Variants in NDUFAF6 observed in about 807,000 individuals in gnomAD.
NDUFAF6 encodes NADH dehydrogenase (ubiquinone) complex I, assembly factor 6.
A neutral mutation model predicts 40.8 loss-of-function variants in NDUFAF6; 45 were observed. The observed-to-expected ratio is 1.10, with a 90% CI of 0.87 to 1.42. NDUFAF6 has a LOEUF of 1.42. Among genes scored for constraint, NDUFAF6 ranks in the 40% most tolerant of loss-of-function variants. The probability of loss-of-function intolerance (pLI) is 0.00; values close to 1 mark genes in which losing one functional copy is unlikely to be tolerated. For missense variants in NDUFAF6, 435 were observed against 418.5 expected (o/e 1.04, Z -0.34); for synonymous variants, 185 against 155.9 (o/e 1.19, Z -1.39).
chr8:94,905,234 T>C (rs1818316804), intron 1 of NDUFAF6, among the ~76,000 whole-genome samples: 1 of 151,436 alleles, frequency 6.6e-6, no homozygotes, highest in African/African-American at 2.4e-5. Context: ...TGTGGCAGGA[T>C]TTTTTGGATG....
chr8:94,944,209 A>C (rs1821797782), intron 1 of NDUFAF6, among the ~76,000 whole-genome samples: 1 of 152,176 alleles, frequency 6.6e-6, no homozygotes, highest in South Asian at 2.1e-4. Flanking sequence ...AGCCACTGGG[A>C]GGGGAGAACC....
upstream of NDUFAF6, among the ~76,000 whole-genome samples, chr8:94,953,604 C>A (rs146377730): frequency 0.011 from 1,691 of 152,338 alleles, 24 homozygotes; most frequent in African/African-American, 0.038. Flanking sequence ...CACACTGATA[C>A]TTCTGGGCAC....
At chr8:94,952,302 G>A (rs1260389171) in intron 2 of NDUFAF6, among the ~76,000 whole-genome samples, 1 of 152,236 alleles carries the variant, frequency 6.6e-6, no homozygotes, top group Admixed American at 6.5e-5. Context: ...GCTAAAGAAT[G>A]TTGTTTCCTA....
intron 1 of NDUFAF6, among the ~76,000 whole-genome samples, chr8:94,964,558 C>G (rs1174425793): frequency 6.6e-6 from 1 of 151,980 alleles, no homozygotes; most frequent in Non-Finnish European, 1.5e-5. Context: ...GGTGAGGGCT[C>G]AGGATGCTTT....
intron 1 of NDUFAF6, among the ~76,000 whole-genome samples, chr8:94,906,637 A>G (rs149471667): frequency 6.6e-6 from 1 of 152,360 alleles, no homozygotes; most frequent in Non-Finnish European, 1.5e-5. Flanking sequence ...GGGACCTCCC[A>G]TCTGCAGCAC....
In NDUFAF6 at chr8:95,047,061, C is replaced by T; in HGVS notation, c.648C>T (p.Cys216=). 1 of 1,614,166 alleles carries T rather than the reference C, an allele frequency of 6.2e-7. No homozygotes were observed. Among genetic ancestry groups the T allele is most frequent in the Non-Finnish European group, 8.5e-7 (1 of 1,180,016 alleles). The stretch of plus-strand genomic sequence containing the variant: ...GAAAAGCACAAGGCATTGTCACTTG[C>T]TTGAGAGCAACACCATATCATGGGA... The part of the protein sequence containing the change: ...HIGKAQGIVT[C]LRATPYHGSR... Residue 216 remains cysteine, a synonymous_variant, in exon 6 of 9, where the codon TGC becomes TGT. Coordinates refer to ENST00000396124, the MANE Select transcript of NDUFAF6 (RefSeq NM_152416.4).
chr8:95,053,009 T>G (rs1587165317), intron 8 of NDUFAF6, among the ~76,000 whole-genome samples: 1 of 152,156 alleles, frequency 6.6e-6, no homozygotes. Flanking sequence ...GAAACGAAGG[T>G]TCAAAGATTT....
At chr8:95,046,036 A>ATTTTATTTTATTTTT (rs564535151) in intron 5 of NDUFAF6, among the ~76,000 whole-genome samples, 14 of 150,744 alleles carry the variant, frequency 9.3e-5, no homozygotes, top group African/African-American at 3.2e-4. Flanking sequence ...AAACACATTT[A>ATTTTATTTTATTTTT]TTTTATTTTA....
intron 3 of NDUFAF6, among the ~76,000 whole-genome samples, chr8:95,041,163 A>T (rs190799156): frequency 3.2e-4 from 48 of 152,334 alleles, no homozygotes; most frequent in Non-Finnish European, 5.0e-4. Flanking sequence ...AGGCAGGAAG[A>T]TAATTTGAAC....
At chr8:94,970,501 G>T (rs1277256155) in intron 1 of NDUFAF6, among the ~76,000 whole-genome samples, 2 of 152,036 alleles carry the variant, frequency 1.3e-5, no homozygotes, top group South Asian at 4.1e-4. Context: ...TGAGGCAAGA[G>T]AATCTTTTGA....
chr8:95,101,597 G>C (rs1809650729), intron 2 of NDUFAF6, among the ~76,000 whole-genome samples: 1 of 152,178 alleles, frequency 6.6e-6, no homozygotes, highest in Non-Finnish European at 1.5e-5. Context: ...TTATATTACA[G>C]TCATATAATT....
At chr8:94,985,498 TATATATATATATATATA>T (rs1393114701) in intron 2 of NDUFAF6, among the ~76,000 whole-genome samples, 77 of 8,848 alleles carry the variant, frequency 8.7e-3, no homozygotes, top group African/African-American at 0.018. Context: ...TATATATATA[TATATATATATATATATA>T]TTTTTTTTTT....
At chr8:95,051,997 T>A (rs147683604) in intron 7 of NDUFAF6, among the ~76,000 whole-genome samples, 177 bp from the exon 8 acceptor site, 6 of 152,324 alleles carry the variant, frequency 3.9e-5, no homozygotes, top group Non-Finnish European at 7.4e-5. Context: ...ACTACAGTAG[T>A]TACTTTTTCC....
intron 2 of NDUFAF6, among the ~76,000 whole-genome samples, chr8:94,946,853 A>G (rs1822062584): frequency 6.6e-6 from 1 of 152,144 alleles, no homozygotes; most frequent in South Asian, 2.1e-4. Flanking sequence ...CCTACTTCAC[A>G]GTGCCAGTGT....
chr8:94,977,088 A>G (rs1444545514), intron 1 of NDUFAF6, among the ~76,000 whole-genome samples: 2 of 149,594 alleles, frequency 1.3e-5, no homozygotes, highest in African/African-American at 2.5e-5. Context: ...GCAGTGAGCC[A>G]TGATTGCACC....
intron 2 of NDUFAF6, among the ~76,000 whole-genome samples, chr8:95,019,402 C>A (rs1489660893): frequency 6.6e-6 from 1 of 152,202 alleles, no homozygotes; most frequent in Non-Finnish European, 1.5e-5. Flanking sequence ...GACAACCCAC[C>A]ATACCCATGT....
chr8:95,088,300 G>A (rs1415911486), intron 2 of NDUFAF6, among the ~76,000 whole-genome samples: 1 of 152,218 alleles, frequency 6.6e-6, no homozygotes, highest in Non-Finnish European at 1.5e-5. Flanking sequence ...ATTGGATGGG[G>A]TCCTAATGTG....
At chr8:94,933,328 T>A (rs1820613578) in intron 1 of NDUFAF6, among the ~76,000 whole-genome samples, 1 of 151,942 alleles carries the variant, frequency 6.6e-6, no homozygotes, top group African/African-American at 2.4e-5. Context: ...ACAAACAAGA[T>A]ATAAAAACAA....
At chr8:95,075,810 C>G (rs6982086) in exon 10 of NDUFAF6, 1 of 670,130 alleles carries the variant, frequency 1.5e-6, no homozygotes, top group Non-Finnish European at 2.3e-6. Flanking sequence ...TTGCTTCACT[C>G]GAACACGCAC....
Sources: gnomAD v4.1 joint callset for allele counts (sites outside exome capture counted in the v4.1 genomes callset) on GRCh38, gnomAD v4.1.1 for gene constraint, MANE v1.5 for transcripts, NCBI Gene and HGNC (gene_info 2026-07-23, HGNC 2026-07-21) for gene names.